PLCH1: variants seen among roughly 807,000 people sequenced by gnomAD.
The protein encoded by PLCH1 is phospholipase C eta 1.
PLCH1 carries 60 observed loss-of-function variants against 126.7 expected under a neutral mutation model. The ratio of observed to expected loss-of-function variants is 0.47; its 90% CI spans 0.38 to 0.59. The LOEUF is 0.59. Ranked by LOEUF, PLCH1 falls within the 20% of genes least tolerant of loss-of-function variation. The pLI is 0.00. For synonymous variants in PLCH1, 719 were observed against 734.9 expected, an observed-to-expected ratio of 0.98 and a Z score of 0.35; for missense variants, 1,723 against 2,040.0, an observed-to-expected ratio of 0.84 and a Z score of 2.99.
intron 14 of PLCH1, 29 bp from the exon 15 acceptor site, chr3:155,497,446 C>T: frequency 6.7e-7 from 1 of 1,496,290 alleles, no homozygotes; most frequent in Non-Finnish European, 9.3e-7. Flanking sequence ...GGATGCATGA[C>T]ATTTTGGAGT....
At chr3:155,458,478 G>GAA (rs1164094111) in intron 21 of PLCH1, among the ~76,000 whole-genome samples, 2 of 98,890 alleles carry the variant, frequency 2.0e-5, no homozygotes, top group East Asian at 2.8e-4. Flanking sequence ...AAGAAAGAAA[G>GAA]AAAGAAAGAA....
intron 1 of PLCH1, among the ~76,000 whole-genome samples, chr3:155,731,227 C>A (rs1270120153): frequency 6.6e-6 from 1 of 152,208 alleles, no homozygotes; most frequent in Non-Finnish European, 1.5e-5. Flanking sequence ...AGGCTCCAGG[C>A]CCATCCCGTT....
intron 11 of PLCH1, among the ~76,000 whole-genome samples, chr3:155,520,478 T>C (rs1720938107): frequency 1.3e-5 from 2 of 152,138 alleles, no homozygotes; most frequent in South Asian, 4.1e-4. Context: ...CAGCTTTACG[T>C]AGGAGATACA....
At chr3:155,452,788 G>A (rs931055344) in intron 21 of PLCH1, among the ~76,000 whole-genome samples, 9 of 152,176 alleles carry the variant, frequency 5.9e-5, no homozygotes, top group African/African-American at 1.9e-4. Flanking sequence ...CCCACCTCAA[G>A]TGCCACATAA....
chr3:155,536,796 A>G (rs573703330), intron 10 of PLCH1, among the ~76,000 whole-genome samples: 25 of 152,184 alleles, frequency 1.6e-4, no homozygotes, highest in Admixed American at 2.6e-4. Context: ...CTGGAGATCT[A>G]TACATCCAAA....
intron 10 of PLCH1, among the ~76,000 whole-genome samples, chr3:155,540,460 C>A (rs934062769): frequency 6.6e-6 from 1 of 152,172 alleles, no homozygotes. Flanking sequence ...AGACAACTCA[C>A]AGAGTGGGAG....
At chr3:155,648,258 T>C (rs776793188) in intron 2 of PLCH1, among the ~76,000 whole-genome samples, 11 of 152,148 alleles carry the variant, frequency 7.2e-5, no homozygotes, top group Non-Finnish European at 1.2e-4. Context: ...TTCAATCCTC[T>C]TACATTCATC....
At chr3:155,646,837 T>G (rs546458053) in intron 2 of PLCH1, among the ~76,000 whole-genome samples, 5 of 152,222 alleles carry the variant, frequency 3.3e-5, no homozygotes, top group African/African-American at 1.2e-4. Context: ...AAACATATCA[T>G]GCTGGGTTTG....
chr3:155,717,569 A>C (rs1747621307), intron 1 of PLCH1, among the ~76,000 whole-genome samples: 1 of 152,242 alleles, frequency 6.6e-6, no homozygotes, highest in Non-Finnish European at 1.5e-5. Flanking sequence ...ACCAAAGCTT[A>C]TGGCTTGAAA....
At chr3:155,488,624 GGT>G (rs1300367260) in intron 20 of PLCH1, 34 bp downstream of exon 20, 2 of 1,544,554 alleles carry the variant, frequency 1.3e-6, no homozygotes, top group Non-Finnish European at 1.8e-6. Context: ...AAAAAGGAAT[GGT>G]CAGTCTAGAG....
intron 7 of PLCH1, among the ~76,000 whole-genome samples, chr3:155,567,718 G>A (rs907422736): frequency 1.3e-5 from 2 of 152,084 alleles, no homozygotes; most frequent in Non-Finnish European, 2.9e-5. Context: ...ATAACTGTGG[G>A]CAAATTATTT....
At chr3:155,484,767 G>C (rs1434010523) in intron 22 of PLCH1, among the ~76,000 whole-genome samples, 1 of 152,134 alleles carries the variant, frequency 6.6e-6, no homozygotes, top group African/African-American at 2.4e-5. Flanking sequence ...GGCAGCACCT[G>C]GTCCCTATGC....
rs768797913 is a variant in PLCH1, at chr3:155,494,423, T to C, written c.1989A>G (p.Gln663=). The change falls in exon 16 of 23, where the codon CAA becomes CAG. Residue 663 remains glutamine (Q), a synonymous_variant. Transcript: ENST00000460012. ...SEQFMIYNQK[Q]LTRIYPSAYR... Reference sequence around the variant, plus strand: ...AGGCAGAGGGGTAAATCCTCGTGAGTTGCTTTTGATTATAAATCATGAACT... The same window carrying C: ...AGGCAGAGGGGTAAATCCTCGTGAGCTGCTTTTGATTATAAATCATGAACT... 1.9e-6 allele frequency: 3 copies of C among 1,613,946 alleles called. No homozygotes were observed. The highest frequency in any genetic ancestry group is 1.1e-5 in the South Asian group (1 of 91,064).
intron 2 of PLCH1, among the ~76,000 whole-genome samples, chr3:155,620,233 GA>G (rs78263971): frequency 0.19 from 28,925 of 151,940 alleles, 3,554 homozygotes; most frequent in African/African-American, 0.35. Flanking sequence ...TCCCAAAAAA[GA>G]AAAAAAGGCC....
intron 11 of PLCH1, among the ~76,000 whole-genome samples, chr3:155,519,888 T>G (rs1720859696): frequency 6.6e-6 from 1 of 152,048 alleles, no homozygotes; most frequent in South Asian, 2.1e-4. Flanking sequence ...AATAATATAT[T>G]GCTGCCCTTT....
At chr3:155,503,710 G>A (rs1328349053) in intron 13 of PLCH1, among the ~76,000 whole-genome samples, 2 of 151,968 alleles carry the variant, frequency 1.3e-5, no homozygotes, top group African/African-American at 4.8e-5. Context: ...GCTAATTTTT[G>A]TATTTTTAGT....
chr3:155,639,505 G>A (rs1486309571), intron 2 of PLCH1, among the ~76,000 whole-genome samples: 2 of 152,122 alleles, frequency 1.3e-5, no homozygotes, highest in Non-Finnish European at 2.9e-5. Context: ...CACAGTCCTC[G>A]GTACCAAAGA....
intron 10 of PLCH1, among the ~76,000 whole-genome samples, chr3:155,536,196 C>G (rs1315356151): frequency 6.6e-6 from 1 of 152,200 alleles, no homozygotes; most frequent in African/African-American, 2.4e-5. Flanking sequence ...ACCAGATCTT[C>G]CCTCTGACGT....
intron 2 of PLCH1, among the ~76,000 whole-genome samples, chr3:155,700,987 T>A (rs1045418454): frequency 5.3e-5 from 8 of 152,086 alleles, no homozygotes; most frequent in African/African-American, 1.9e-4. Flanking sequence ...TTCCTTTGGG[T>A]TTTTCCTAAA....
Sources: gnomAD v4.1 joint callset for allele counts (sites outside exome capture counted in the v4.1 genomes callset) on GRCh38, gnomAD v4.1.1 for gene constraint, MANE v1.5 for transcripts, NCBI Gene and HGNC (gene_info 2026-07-23, HGNC 2026-07-21) for gene names.